PLBD1: variants seen among roughly 807,000 people sequenced by gnomAD.
PLBD1 encodes the protein phospholipase B domain containing 1, also known as lysosomal leucine aminopeptidase.
PLBD1 carries 60 observed loss-of-function variants against 63.0 expected under a neutral mutation model. The observed-to-expected ratio is 0.95, with a 90% CI of 0.77 to 1.18. The LOEUF is 1.18. Among genes scored for constraint, PLBD1 ranks in the 50% most tolerant of loss-of-function variants. The pLI is 0.00. For missense variants in PLBD1, 598 were observed against 677.9 expected, an observed-to-expected ratio of 0.88 and a Z score of 1.31; for synonymous variants, 262 against 248.0, an observed-to-expected ratio of 1.06 and a Z score of -0.53.
intron 1 of PLBD1, among the ~76,000 whole-genome samples, chr12:14,561,696 A>G (rs1349899430): frequency 6.6e-6 from 1 of 152,144 alleles, no homozygotes; most frequent in African/African-American, 2.4e-5. Flanking sequence ...CTGGGATCAC[A>G]AGCGTGCGCC....
At chr12:14,520,540 A>C (rs1269052319) in intron 6 of PLBD1, among the ~76,000 whole-genome samples, 1 of 143,042 alleles carries the variant, frequency 7.0e-6, no homozygotes, top group African/African-American at 3.0e-5. Flanking sequence ...ATTTCCCTAC[A>C]AAAAAAAAGG....
At chr12:14,561,953 A>G (rs1222674737) in intron 1 of PLBD1, among the ~76,000 whole-genome samples, 3 of 152,206 alleles carry the variant, frequency 2.0e-5, no homozygotes, top group Admixed American at 6.5e-5. Flanking sequence ...TCGATTTCTA[A>G]TTATGAATTA....
intron 1 of PLBD1, among the ~76,000 whole-genome samples, chr12:14,566,556 C>G (rs545779772): frequency 1.3e-5 from 2 of 152,270 alleles, no homozygotes; most frequent in Non-Finnish European, 2.9e-5. Flanking sequence ...GAACGGAAAT[C>G]ATAAATCCAA....
chr12:14,535,279 A>G (rs1377908241), intron 6 of PLBD1, among the ~76,000 whole-genome samples: 1 of 152,242 alleles, frequency 6.6e-6, no homozygotes. Flanking sequence ...TGCAGTAAAT[A>G]AAAGAAACAC....
At chr12:14,515,285 G>A (rs1422239606) in intron 6 of PLBD1, among the ~76,000 whole-genome samples, 1 of 152,148 alleles carries the variant, frequency 6.6e-6, no homozygotes, top group Non-Finnish European at 1.5e-5. Context: ...TTCTGGAAAG[G>A]TAGAAGGGAG....
At chr12:14,536,857 C>T (rs773938109) in intron 4 of PLBD1, 147 bp from the exon 5 acceptor site, 72 of 1,011,274 alleles carry the variant, frequency 7.1e-5, no homozygotes, top group Non-Finnish European at 9.5e-5. Context: ...GGGAGGCCAA[C>T]GCGGGTGGAT....
chr12:14,534,229 C>T (rs1031392351), intron 6 of PLBD1, among the ~76,000 whole-genome samples: 1 of 152,162 alleles, frequency 6.6e-6, no homozygotes, highest in African/African-American at 2.4e-5. Context: ...GTTGGTATAA[C>T]CACCCCATAA....
At chr12:14,567,518 C>T in intron 1 of PLBD1, 64 bp downstream of exon 1, 1 of 1,413,184 alleles carries the variant, frequency 7.1e-7, no homozygotes, top group Non-Finnish European at 9.1e-7. Context: ...ACGCGGGGCA[C>T]GGGCGCTAAC....
intron 6 of PLBD1, among the ~76,000 whole-genome samples, chr12:14,527,567 C>T (rs1322104422): frequency 3.3e-5 from 5 of 152,172 alleles, no homozygotes; most frequent in South Asian, 2.1e-4. Flanking sequence ...CAAAAACTTA[C>T]GATGCACTTT....
At chr12:14,514,742 A>ATT (rs3083807) in intron 6 of PLBD1, among the ~76,000 whole-genome samples, 34,852 of 147,198 alleles carry the variant, frequency 0.24, 4,878 homozygotes, top group Admixed American at 0.32. Context: ...ATCTTTTTAA[A>ATT]TTTTTTTTTT....
intron 6 of PLBD1, among the ~76,000 whole-genome samples, chr12:14,512,725 A>T (rs1320263189): frequency 6.6e-6 from 1 of 152,210 alleles, no homozygotes; most frequent in Non-Finnish European, 1.5e-5. Context: ...TGTTAAACAG[A>T]AAAGGACCTC....
intron 6 of PLBD1, among the ~76,000 whole-genome samples, chr12:14,520,479 A>T (rs1210802760): frequency 6.8e-6 from 1 of 147,078 alleles, no homozygotes; most frequent in Non-Finnish European, 1.5e-5. Flanking sequence ...CAACAAAAAA[A>T]GTAAAACAAG....
chr12:14,565,069 C>T (rs1429501615), intron 1 of PLBD1, among the ~76,000 whole-genome samples: 1 of 152,192 alleles, frequency 6.6e-6, no homozygotes, highest in Admixed American at 6.5e-5. Context: ...TGTCTGAAAT[C>T]ATAGCTTGAA....
chr12:14,506,388 C>T, intron 9 of PLBD1, 120 bp from the exon 10 acceptor site: 1 of 688,192 alleles, frequency 1.5e-6, no homozygotes, highest in Non-Finnish European at 2.4e-6. Context: ...CCACAGGCCT[C>T]CTCAGCCCAG....
At chr12:14,541,019 T>C (rs1383163767) in intron 3 of PLBD1, 117 bp from the exon 4 acceptor site, 2 of 1,139,850 alleles carry the variant, frequency 1.8e-6, no homozygotes, top group South Asian at 2.1e-5. Flanking sequence ...ATTTAAATTC[T>C]AGATCTTGTA....
chr12:14,547,180 T>TTGTGTGTGTG lies in PLBD1; in HGVS notation c.336-4899_336-4890dup, dbSNP rs56182227. On this transcript the variant is annotated intron_variant, in intron 2 of 10. Coordinates refer to ENST00000240617, the MANE Select transcript of PLBD1 (RefSeq NM_024829.6). The stretch of plus-strand genomic sequence containing the variant: ...CAGGTGTGAGCCACTGCACCTGGCT[T>TTGTGTGTGTG]TGTGTGTGTGTGTGTGTGTGTGTGT... Among the ~76,000 whole-genome samples the TTGTGTGTGTG allele has an allele frequency of 8.4e-3, 1,156 of 138,200 alleles. 16 individuals are homozygous for TTGTGTGTGTG. The highest frequency in any genetic ancestry group is 0.027 in the East Asian group (123 of 4,516). 90.7% of individuals were successfully genotyped at this position (138,200 alleles called of 152,430 possible).
At chr12:14,507,919 G>C (rs993439897) in intron 8 of PLBD1, among the ~76,000 whole-genome samples, 2 of 152,164 alleles carry the variant, frequency 1.3e-5, no homozygotes, top group African/African-American at 2.4e-5. Flanking sequence ...ACTGCCTACA[G>C]AACAGTCAAG....
chr12:14,558,715 A>T (rs1017912118), intron 1 of PLBD1, among the ~76,000 whole-genome samples: 3 of 151,526 alleles, frequency 2.0e-5, no homozygotes, highest in African/African-American at 7.3e-5. Context: ...TTTCCAATCA[A>T]CTCCTTTTTG....
chr12:14,556,766 C>A (rs975443569), intron 1 of PLBD1, among the ~76,000 whole-genome samples: 2 of 148,682 alleles, frequency 1.3e-5, no homozygotes, highest in African/African-American at 5.0e-5. Context: ...AGGAGGATCA[C>A]CTGAGGTCAG....
Sources: gnomAD v4.1 joint callset for allele counts (sites outside exome capture counted in the v4.1 genomes callset) on GRCh38, gnomAD v4.1.1 for gene constraint, MANE v1.5 for transcripts, NCBI Gene and HGNC (gene_info 2026-07-23, HGNC 2026-07-21) for gene names.